CC2D1A: variants seen among roughly 807,000 people sequenced by gnomAD.
The protein encoded by CC2D1A is coiled-coil and C2 domain-containing protein 1A.
Under a neutral mutation model 123.8 loss-of-function variants are expected in CC2D1A, and 68 were observed. The observed-to-expected ratio is 0.55, with a 90% CI of 0.45 to 0.67. The LOEUF (loss-of-function observed/expected upper bound fraction) is 0.67. Among genes scored for constraint, CC2D1A ranks in the 30% least tolerant of loss-of-function variants. The probability of loss-of-function intolerance (pLI) is 0.00; values close to 1 mark genes in which losing one functional copy is unlikely to be tolerated. For missense variants in CC2D1A, 1,185 were observed against 1,290.3 expected (o/e 0.92, Z 1.25); for synonymous variants, 477 against 528.0 (o/e 0.90, Z 1.32).
In CC2D1A at chr19:13,922,844, T is replaced by C. The variant is rs151224672; in HGVS notation, c.1642-489T>C. ...CCACTGCACCCGGCACCATACATGA[T>C]TTCTGGGGTGACTGAAGGATGCCCT... On this transcript the variant is annotated intron_variant, in intron 14 of 28. Coordinates refer to ENST00000318003, the MANE Select transcript of CC2D1A (RefSeq NM_017721.5). Among the ~76,000 whole-genome samples the C allele has an allele frequency of 2.7e-4, 41 of 152,170 alleles. 1 individual carries two copies. The East Asian group carries it at 6.4e-3, about 24-fold the overall frequency.
rs752398502 is a variant in CC2D1A at position 13,919,870 on chromosome 19, G to A, written c.1275G>A (p.Leu425=). The stretch of plus-strand genomic sequence containing the variant: ...CCACCAAGCCCACCCAGCAGAGTCT[G>A]GTGGGTGTCCTGGAGACTGCCATGA... ...LEATKPTQQS[L]VGVLETAMKL... is the part of the protein sequence containing the mutation. The change falls in exon 12 of 29, where the codon CTG becomes CTA. Residue 425 remains leucine, a synonymous_variant. Transcript: ENST00000318003. 6.2e-7 allele frequency: 1 copy of A among 1,612,818 alleles called. No individual in the cohort carries two copies. Among genetic ancestry groups the A allele is most frequent in the Non-Finnish European group, 8.5e-7 (1 of 1,179,698 alleles).
At chr19:13,929,928 G>A (rs1373627260) in intron 26 of CC2D1A, 150 bp from the exon 27 acceptor site, 8 of 583,790 alleles carry the variant, frequency 1.4e-5, no homozygotes, top group Middle Eastern at 4.5e-4. Flanking sequence ...CACCTGGAGG[G>A]GGAGGGGCTC....
In CC2D1A at chr19:13,918,984, C is replaced by G. The variant is rs766712869; in HGVS notation, c.1091C>G (p.Ala364Gly). ...ATGGAGCGGTACCAGGTGGCCGCAGCCCAGGCCAAGAGCAAGGGGGACCAG... is the reference window on the plus strand; with the variant it reads ...ATGGAGCGGTACCAGGTGGCCGCAGGCCAGGCCAAGAGCAAGGGGGACCAG... The part of the protein sequence containing the change: ...QRMERYQVAA[A>G]QAKSKGDQRK... The change falls in exon 10 of 29, where the codon GCC becomes GGC. Residue 364 changes from alanine (A) to glycine (G), a missense_variant. Coordinates refer to ENST00000318003, the MANE Select transcript of CC2D1A (RefSeq NM_017721.5). 1 of 1,609,510 alleles carries G rather than the reference C, an allele frequency of 6.2e-7. No individual in the cohort carries two copies. The highest frequency in any genetic ancestry group is 8.5e-7 in the Non-Finnish European group (1 of 1,177,928).
intron 24 of CC2D1A, among the ~76,000 whole-genome samples, chr19:13,928,626 A>G (rs1420069398): frequency 6.7e-6 from 1 of 149,090 alleles, no homozygotes; most frequent in Non-Finnish European, 1.5e-5. Context: ...TGCAGCCATC[A>G]TCCCCGCTAG....
Position 13,926,369 on chromosome 19 carries a change from A to T in CC2D1A, c.1941-148A>T, listed in dbSNP as rs539157137. On this transcript the variant is annotated intron_variant, in intron 17 of 28. Coordinates refer to ENST00000318003, the MANE Select transcript of CC2D1A (RefSeq NM_017721.5). The stretch of plus-strand genomic sequence containing the variant: ...AGAGAACTCTAGTCTGTCTGATTCT[A>T]AAATGAGCCCAGGAGCTGAGACACC... The T allele has an allele frequency of 4.3e-5, 28 of 644,834 alleles. No homozygotes were observed. The African/African-American group carries it at 5.1e-4, about 12-fold the overall frequency. 39.9% of individuals were successfully genotyped at this position (644,834 alleles called of 1,614,324 possible).
rs532906940 is a variant in CC2D1A, at chr19:13,926,912, C to A, written c.2125+40C>A. On this transcript the variant is annotated intron_variant, in intron 20 of 28. Coordinates refer to ENST00000318003, the MANE Select transcript of CC2D1A (RefSeq NM_017721.5). Reference sequence around the variant, plus strand: ...GAAGCACCCTACCCCTACTCCCTTGCAGCAGAAGGGACATAAGACAATGGC... The same window carrying A: ...GAAGCACCCTACCCCTACTCCCTTGAAGCAGAAGGGACATAAGACAATGGC... 6 of 1,608,744 alleles carry A rather than the reference C, an allele frequency of 3.7e-6. No individual in the cohort carries two copies. The African/African-American group carries it at 8.0e-5, about 21-fold the overall frequency.
At position 13,909,933 on chromosome 19, in the gene CC2D1A, A is replaced by G. The variant is rs878936914; in HGVS notation, c.171A>G (p.Pro57=). ...EFLALVGGQP[P]ALEKLKGKGP... ...TGGCTTTGGTCGGGGGCCAGCCCCC[A>G]GCCCTGGAGAAGCTCAAAGGCAAAG... The change falls in exon 2 of 29, where the codon CCA becomes CCG. Residue 57 remains proline (P), a synonymous_variant. Transcript: ENST00000318003. 1 of 1,523,578 alleles carries G rather than the reference A, an allele frequency of 6.6e-7. No homozygotes were observed. The highest frequency in any genetic ancestry group is 8.8e-7 in the Non-Finnish European group (1 of 1,135,980). 94.4% of individuals were successfully genotyped at this position (1,523,578 alleles called of 1,614,324 possible).
In CC2D1A at chr19:13,923,786, G is replaced by A; in HGVS notation, c.1915G>A (p.Glu639Lys). 2 of 1,614,026 alleles carry A rather than the reference G, an allele frequency of 1.2e-6. No homozygotes were observed. Among genetic ancestry groups the A allele is most frequent in the Non-Finnish European group, 1.7e-6 (2 of 1,179,908 alleles). The change falls in exon 17 of 29, where the codon GAG becomes AAG. Residue 639 changes from glutamate to lysine, a missense_variant. Physicochemically the swap from Glu to Lys is moderately conservative, Grantham distance 56. Coordinates refer to ENST00000318003, the MANE Select transcript of CC2D1A (RefSeq NM_017721.5). This position sits in a 1 kb window ranked among gnomAD's most constrained non-coding sequence, Gnocchi z 5.3. ...RGLPTPTARF[E>K]QRTFSVIKIF... ...TCTCCCCACGCCCACCGCCCGCTTT[G>A]AGCAAAGGACCTTCAGCGTCATCAA...
intron 2 of CC2D1A, among the ~76,000 whole-genome samples, chr19:13,912,010 C>T (rs1258464905): frequency 3.3e-5 from 5 of 152,064 alleles, no homozygotes; most frequent in African/African-American, 1.2e-4. Flanking sequence ...CCACTGCGCC[C>T]AGCCTAATTT....
In CC2D1A at chr19:13,929,607, G is replaced by A. The variant is rs201921029; in HGVS notation, c.2657G>A (p.Arg886His). Residue 886 changes from arginine (R) to histidine (H), a missense_variant, in exon 26 of 29, where the codon CGC becomes CAC. Transcript: ENST00000318003. ...CAGCAGTACCAGGACATCATGCAAC[G>A]CAGCCAGTGGCAGAGGGCACAGCTG... ...VAQQYQDIMQ[R>H]SQWQRAQLEQ... 2,063 of 1,593,720 alleles carry A rather than the reference G, an allele frequency of 1.3e-3. 2 individuals carry two copies. The highest frequency in any genetic ancestry group is 1.6e-3 in the Non-Finnish European group (1,887 of 1,172,426).
At chr19:13,928,858 G>A (rs545154926) in intron 24 of CC2D1A, among the ~76,000 whole-genome samples, 6 of 151,474 alleles carry the variant, frequency 4.0e-5, no homozygotes, top group Admixed American at 3.3e-4. Flanking sequence ...ACAGGCATGC[G>A]CCACCACACC....
rs1396806601 is a variant in CC2D1A at position 13,920,932 on chromosome 19, C to CT, written c.1641+11dup. 6.2e-7 allele frequency: 1 copy of CT among 1,605,396 alleles called. No individual in the cohort carries two copies. ...TGTGGACATCACCAAGGTGAACCTT[C>CT]TGGGCTTGTGGGAACTGCCCAGGCA... On this transcript the variant is annotated intron_variant, in intron 14 of 28. Coordinates refer to ENST00000318003, the MANE Select transcript of CC2D1A (RefSeq NM_017721.5).
intron 2 of CC2D1A, among the ~76,000 whole-genome samples, chr19:13,910,817 A>G (rs1409305306): frequency 6.6e-6 from 1 of 152,144 alleles, no homozygotes; most frequent in African/African-American, 2.4e-5. Flanking sequence ...AGGCTGAGGC[A>G]TGAGAATCGC....
chr19:13,909,682 A>T, intron 1 of CC2D1A, 141 bp from the exon 2 acceptor site: 1 of 1,115,574 alleles, frequency 9.0e-7, no homozygotes, highest in Non-Finnish European at 1.4e-6. Context: ...GGCTTGTTCC[A>T]GCCTCCTGGC....
chr19:13,909,859 A>T lies in CC2D1A; in HGVS notation c.97A>T (p.Met33Leu). 6.3e-7 allele frequency: 1 copy of T among 1,581,200 alleles called. No homozygotes were observed. Among genetic ancestry groups the T allele is most frequent in the Non-Finnish European group, 8.6e-7 (1 of 1,160,410 alleles). Residue 33 changes from methionine to leucine, a missense_variant, in exon 2 of 29, where the codon ATG (methionine) becomes TTG (leucine). Met to Leu is a conservative substitution (Grantham distance 15, BLOSUM62 2). Coordinates refer to ENST00000318003, the MANE Select transcript of CC2D1A (RefSeq NM_017721.5). ...GGTTGACCTCTCCCCAGATGGCCTG[A>T]TGATCCCTGAGGACGGGGCTAACGA... Reference protein sequence around the residue: ...LLVDLSPDGLMIPEDGANDEE... With the variant: ...LLVDLSPDGLLIPEDGANDEE...
In CC2D1A at chr19:13,926,032, A is replaced by G. The variant is rs1166937749; in HGVS notation, c.1941-485A>G. On this transcript the variant is annotated intron_variant, in intron 17 of 28. Coordinates refer to ENST00000318003, the MANE Select transcript of CC2D1A (RefSeq NM_017721.5). Reference sequence around the variant, plus strand: ...TATATATACGTATATATATGTGTATATATATATATATACACGTATATATAT... The same window carrying G: ...TATATATACGTATATATATGTGTATGTATATATATATACACGTATATATAT... Among the ~76,000 whole-genome samples the G allele has an allele frequency of 1.2e-3, 103 of 88,300 alleles. 2 individuals are homozygous for G. Among genetic ancestry groups the G allele is most frequent in the African/African-American group, 6.9e-3 (93 of 13,542 alleles). The allele number at this position is 88,300 out of a possible 152,430, so 57.9% of individuals were successfully genotyped here. A position where few individuals can be genotyped will look rare whatever the true frequency, so the allele number is the denominator to read the frequency against.
intron 1 of CC2D1A, chr19:13,909,617 T>C: frequency 2.9e-6 from 2 of 679,146 alleles, no homozygotes; most frequent in South Asian, 1.5e-5. Context: ...TCTTGCCCTT[T>C]GCCCCAGGTT....
chr19:13,907,090 G>A (rs1188076495), intron 1 of CC2D1A, among the ~76,000 whole-genome samples: 1 of 152,122 alleles, frequency 6.6e-6, no homozygotes, highest in African/African-American at 2.4e-5. Context: ...TCTGTACATC[G>A]GACACTTGAC....
intron 17 of CC2D1A, among the ~76,000 whole-genome samples, chr19:13,926,053 TATATGTATATATAC>T (rs1971624496): frequency 1.6e-5 from 2 of 124,534 alleles, no homozygotes; most frequent in Non-Finnish European, 3.2e-5. Context: ...TACACGTATA[TATATGTATATATAC>T]ACACACACAC....
Sources: allele counts gnomAD v4.1 joint callset (sites outside exome capture counted in the v4.1 genomes callset), GRCh38; gene constraint gnomAD v4.1.1; non-coding constraint Gnocchi (gnomAD v3.1); transcripts MANE v1.5; gene names NCBI Gene and HGNC (gene_info 2026-07-23, HGNC 2026-07-21).